Variants in AGBL1 observed in about 807,000 individuals in gnomAD.
The protein encoded by AGBL1 is cytosolic carboxypeptidase 4.
In AGBL1, 130 loss-of-function variants were observed where a neutral mutation model predicts 118.9. The observed-to-expected ratio is 1.09, with a 90% CI of 0.95 to 1.26. The LOEUF (loss-of-function observed/expected upper bound fraction) is 1.26. Ranked by LOEUF, AGBL1 falls within the 50% of genes most tolerant of loss-of-function variation. The pLI is 0.00. For synonymous variants in AGBL1, 555 were observed against 478.9 expected (o/e 1.16, Z -2.08); for missense variants, 1,584 against 1,298.1 (o/e 1.22, Z -3.38).
intron 17 of AGBL1, among the ~76,000 whole-genome samples, chr15:86,305,716 C>T (rs998311118): frequency 2.6e-5 from 4 of 152,096 alleles, no homozygotes; most frequent in African/African-American, 7.2e-5. Context: ...CAGATGCATG[C>T]ACACACACAT....
At chr15:87,008,759 G>T (rs1373547821) in intron 24 of AGBL1, among the ~76,000 whole-genome samples, 1 of 152,178 alleles carries the variant, frequency 6.6e-6, no homozygotes, top group Non-Finnish European at 1.5e-5. Context: ...GGAGGAACTT[G>T]TTGGGAACTG....
intron 23 of AGBL1, among the ~76,000 whole-genome samples, chr15:86,929,679 A>G (rs1425593496): frequency 6.6e-6 from 1 of 152,232 alleles, no homozygotes; most frequent in East Asian, 1.9e-4. Flanking sequence ...GCATGGCACT[A>G]TCCATCAGCC....
In AGBL1 at chr15:86,807,340, C is replaced by T. The variant is rs74027108; in HGVS notation, c.3159-99747C>T. Among the ~76,000 whole-genome samples, 742 of 152,228 alleles carry T rather than the reference C, an allele frequency of 4.9e-3. 8 individuals carry two copies. Among genetic ancestry groups the T allele is most frequent in the African/African-American group, 0.017 (702 of 41,532 alleles). On this transcript the variant is annotated intron_variant, in intron 22 of 22. Transcript: ENST00000614907. The stretch of plus-strand genomic sequence containing the variant: ...ATTATTTTTGTGGGTTCATAATAAC[C>T]TGTTGGAGAGAACTGTAAGAGACAT...
chr15:86,440,117 G>C (rs911193242), intron 18 of AGBL1, among the ~76,000 whole-genome samples: 6 of 152,088 alleles, frequency 3.9e-5, no homozygotes, highest in African/African-American at 1.2e-4. Context: ...GTGCTGCCAT[G>C]TTTTTATGAA....
intron 15 of AGBL1, among the ~76,000 whole-genome samples, chr15:86,278,388 T>C (rs372752832): frequency 2.0e-5 from 3 of 152,224 alleles, no homozygotes; most frequent in African/African-American, 7.2e-5. Context: ...AAGATAAAGG[T>C]ATCAGGCCAT....
intron 23 of AGBL1, among the ~76,000 whole-genome samples, chr15:86,934,501 A>G (rs1481686670): frequency 2.0e-5 from 3 of 150,824 alleles, no homozygotes; most frequent in African/African-American, 7.3e-5. Context: ...CCTTGCTATT[A>G]TCTTATTTCT....
At chr15:86,566,553 G>C (rs2083918176) in intron 21 of AGBL1, among the ~76,000 whole-genome samples, 1 of 151,998 alleles carries the variant, frequency 6.6e-6, no homozygotes, top group African/African-American at 2.4e-5. Context: ...AACCTCCTAG[G>C]TTGCTTCCTT....
At chr15:86,507,497 C>T (rs2082991751) in intron 18 of AGBL1, among the ~76,000 whole-genome samples, 1 of 152,062 alleles carries the variant, frequency 6.6e-6, no homozygotes. Context: ...ATTAAGCCTA[C>T]ACTCTAGTGG....
chr15:86,250,412 G>C (rs1597623066), intron 7 of AGBL1, among the ~76,000 whole-genome samples: 1 of 151,486 alleles, frequency 6.6e-6, no homozygotes, highest in South Asian at 2.1e-4. Context: ...CGTAATCCCA[G>C]CTACTCAGGA....
At chr15:86,243,361 T>C (rs187637610) in intron 6 of AGBL1, among the ~76,000 whole-genome samples, 4 of 152,168 alleles carry the variant, frequency 2.6e-5, no homozygotes, top group Admixed American at 2.6e-4. Context: ...TAAGAAATAC[T>C]TGGGGTTAAA....
intron 17 of AGBL1, among the ~76,000 whole-genome samples, chr15:86,329,166 G>A (rs2080232791): frequency 2.0e-5 from 3 of 152,014 alleles, no homozygotes; most frequent in Admixed American, 1.3e-4. Flanking sequence ...ATCATTGCTG[G>A]GTGCCTACCC....
chr15:86,449,664 C>T (rs557753524), intron 18 of AGBL1, among the ~76,000 whole-genome samples: 1 of 152,308 alleles, frequency 6.6e-6, no homozygotes, highest in East Asian at 1.9e-4. Context: ...CAGTGCTCAG[C>T]ATATGTCTAT....
chr15:86,590,202 G>A (rs1409061430), intron 21 of AGBL1, among the ~76,000 whole-genome samples: 1 of 152,190 alleles, frequency 6.6e-6, no homozygotes, highest in Non-Finnish European at 1.5e-5. Flanking sequence ...GGGAGGGAGA[G>A]AAGAGGAGAC....
intron 22 of AGBL1, among the ~76,000 whole-genome samples, chr15:86,841,946 C>G (rs886131392): frequency 1.3e-5 from 2 of 152,158 alleles, no homozygotes; most frequent in African/African-American, 4.8e-5. Flanking sequence ...TAAGAATTCT[C>G]AGACTACATT....
intron 18 of AGBL1, among the ~76,000 whole-genome samples, chr15:86,452,743 C>T (rs2142072258): frequency 6.6e-6 from 1 of 152,268 alleles, no homozygotes; most frequent in Non-Finnish European, 1.5e-5. Context: ...TGCCCTTCTG[C>T]CCTCATCTCC....
At chr15:86,556,538 G>A (rs923027619) in intron 21 of AGBL1, among the ~76,000 whole-genome samples, 3 of 152,202 alleles carry the variant, frequency 2.0e-5, no homozygotes, top group South Asian at 4.1e-4. Flanking sequence ...ACTCACAGAG[G>A]ATGGTGAGTA....
At position 86,959,402 on chromosome 15, in the gene AGBL1, C is replaced by G. The variant is rs189167550; in HGVS notation, c.3222-28585C>G. ...TTTCCATGCTTCTTCTAAAAAATGTCCCTGCCTGGAAATGGGTGTTCTCTG... is the reference window on the plus strand; with the variant it reads ...TTTCCATGCTTCTTCTAAAAAATGTGCCTGCCTGGAAATGGGTGTTCTCTG... On this transcript the variant is annotated intron_variant, in intron 23 of 24. Coordinates refer to the AGBL1 transcript ENST00000441037. 1.7e-4 allele frequency among the ~76,000 whole-genome samples: 26 copies of G among 152,118 alleles called. No individual in the cohort carries two copies. The East Asian group carries it at 4.8e-3, about 28-fold the overall frequency.
intron 22 of AGBL1, among the ~76,000 whole-genome samples, chr15:86,889,546 C>A (rs922754563): frequency 2.0e-5 from 3 of 152,134 alleles, no homozygotes; most frequent in Non-Finnish European, 4.4e-5. Context: ...TCCCTTCCCC[C>A]ACCTGGCCCC....
intron 22 of AGBL1, among the ~76,000 whole-genome samples, chr15:86,742,962 G>A (rs887279062): frequency 6.6e-6 from 1 of 152,028 alleles, no homozygotes; most frequent in African/African-American, 2.4e-5. Flanking sequence ...GACGCTGTGG[G>A]GGTAATAGTA....
Sources: gnomAD v4.1 joint callset for allele counts (sites outside exome capture counted in the v4.1 genomes callset) on GRCh38, gnomAD v4.1.1 for gene constraint, MANE v1.5 for transcripts, NCBI Gene and HGNC (gene_info 2026-07-23, HGNC 2026-07-21) for gene names.